TRPC6: variants seen among roughly 807,000 people sequenced by gnomAD.
The protein encoded by TRPC6 is short transient receptor potential channel 6.
TRPC6 carries 55 observed loss-of-function variants against 90.7 expected under a neutral mutation model. The observed-to-expected ratio is 0.61, with a 90% CI of 0.49 to 0.76. TRPC6 has a LOEUF of 0.76. Among genes scored for constraint, TRPC6 ranks in the 30% least tolerant of loss-of-function variants. The pLI is 0.00. For missense variants in TRPC6, 989 were observed against 1,122.7 expected (o/e 0.88, Z 1.70); for synonymous variants, 393 against 393.0 (o/e 1.00, Z 0.00).
intron 4 of TRPC6, among the ~76,000 whole-genome samples, chr11:101,485,589 T>A (rs796283736): frequency 4.4e-4 from 67 of 151,430 alleles, no homozygotes; most frequent in Middle Eastern, 3.4e-3. Context: ...TTTTTTTTTT[T>A]AATTCTCAAT....
intron 10 of TRPC6, among the ~76,000 whole-genome samples, chr11:101,461,087 A>C (rs757949435): frequency 5.3e-5 from 8 of 152,200 alleles, no homozygotes; most frequent in Non-Finnish European, 1.0e-4. Context: ...CACATGTTAA[A>C]AATGATTGGG....
intron 1 of TRPC6, among the ~76,000 whole-genome samples, chr11:101,573,730 T>G (rs967267312): frequency 7.9e-5 from 12 of 152,164 alleles, no homozygotes; most frequent in African/African-American, 2.7e-4. Flanking sequence ...ACATACAACA[T>G]GTCTTATAAT....
chr11:101,492,396 C>T (rs1015527728), intron 2 of TRPC6, among the ~76,000 whole-genome samples: 1 of 152,038 alleles, frequency 6.6e-6, no homozygotes, highest in African/African-American at 2.4e-5. Flanking sequence ...CCAGCCTGAG[C>T]AACATGGCAA....
At chr11:101,522,216 G>A (rs2136780151) in intron 1 of TRPC6, among the ~76,000 whole-genome samples, 1 of 152,278 alleles carries the variant, frequency 6.6e-6, no homozygotes, top group East Asian at 1.9e-4. Context: ...GGTAGGAGGT[G>A]ATCAAATATG....
At position 101,583,110 on chromosome 11, in the gene TRPC6, G is replaced by A. The variant is rs1417044880; in HGVS notation, c.170+224C>T. On this transcript the variant is annotated intron_variant, in intron 1 of 12. Coordinates refer to ENST00000344327, the MANE Select transcript of TRPC6 (RefSeq NM_004621.6). ...CTCTCGTGGGCAAACATATCCATGC[G>A]TACCTACGAGGAGCAAACCTAGACA... 3 of 940,326 alleles carry A rather than the reference G, an allele frequency of 3.2e-6. No individual in the cohort carries two copies. In the African/African-American group the frequency reaches 5.3e-5, roughly 17 times the overall value. The allele number at this position is 940,326 out of a possible 1,614,324, so 58.2% of individuals were successfully genotyped here.
chr11:101,498,708 A>G (rs550041735), intron 2 of TRPC6, among the ~76,000 whole-genome samples: 14 of 152,338 alleles, frequency 9.2e-5, no homozygotes, highest in Non-Finnish European at 1.8e-4. Flanking sequence ...ATCGTCTTCA[A>G]ACAGAGGTAC....
chr11:101,574,128 T>C (rs373571426), intron 1 of TRPC6, among the ~76,000 whole-genome samples: 1 of 151,078 alleles, frequency 6.6e-6, no homozygotes, highest in South Asian at 2.1e-4. Context: ...ATTCTTTAGA[T>C]TGTTTTAAAG....
intron 1 of TRPC6, among the ~76,000 whole-genome samples, chr11:101,527,872 G>A (rs1410106906): frequency 7.2e-5 from 11 of 152,042 alleles, no homozygotes; most frequent in Non-Finnish European, 1.6e-4. Flanking sequence ...AGGAGTTAGA[G>A]ACCAGCCTGG....
intron 10 of TRPC6, among the ~76,000 whole-genome samples, chr11:101,461,029 G>C (rs1249651773): frequency 1.3e-5 from 2 of 151,962 alleles, no homozygotes; most frequent in Admixed American, 6.6e-5. Flanking sequence ...AAAATACATA[G>C]AGTGAAGTTA....
chr11:101,468,386 T>A (rs1333789289), intron 10 of TRPC6, among the ~76,000 whole-genome samples: 1 of 152,196 alleles, frequency 6.6e-6, no homozygotes, highest in African/African-American at 2.4e-5. Context: ...GGATATCAGA[T>A]AGGCCTTAAG....
At chr11:101,501,768 C>T (rs1213121881) in intron 2 of TRPC6, among the ~76,000 whole-genome samples, 1 of 152,092 alleles carries the variant, frequency 6.6e-6, no homozygotes, top group Non-Finnish European at 1.5e-5. Context: ...CCAGTAACTG[C>T]CCTTTCTCCT....
chr11:101,499,832 C>T (rs1860060379), intron 2 of TRPC6, among the ~76,000 whole-genome samples: 1 of 99,458 alleles, frequency 1.0e-5, no homozygotes, highest in South Asian at 3.0e-4. Flanking sequence ...TATATATATA[C>T]ACAGTATAAA....
At chr11:101,510,387 A>G (rs1860369220) in intron 1 of TRPC6, among the ~76,000 whole-genome samples, 1 of 152,208 alleles carries the variant, frequency 6.6e-6, no homozygotes, top group African/African-American at 2.4e-5. Context: ...AAAAAGAGGA[A>G]CAACTCAGCC....
At chr11:101,457,359 T>C (rs1565442984) in intron 10 of TRPC6, among the ~76,000 whole-genome samples, 2 of 152,230 alleles carry the variant, frequency 1.3e-5, no homozygotes, top group Non-Finnish European at 2.9e-5. Context: ...ATTAGTTTGA[T>C]ATTAACATTT....
At chr11:101,528,729 G>C (rs1197656666) in intron 1 of TRPC6, among the ~76,000 whole-genome samples, 1 of 152,084 alleles carries the variant, frequency 6.6e-6, no homozygotes, top group Non-Finnish European at 1.5e-5. Flanking sequence ...AACATGCTTA[G>C]CAGTATGAGG....
chr11:101,571,382 A>T (rs1861960495), intron 1 of TRPC6, among the ~76,000 whole-genome samples: 1 of 152,234 alleles, frequency 6.6e-6, no homozygotes, highest in Non-Finnish European at 1.5e-5. Flanking sequence ...ACACAAGCAA[A>T]AGGAAAAACA....
At chr11:101,580,265 T>C (rs1473960821) in intron 1 of TRPC6, among the ~76,000 whole-genome samples, 1 of 152,308 alleles carries the variant, frequency 6.6e-6, no homozygotes, top group East Asian at 1.9e-4. Context: ...AGTGATGAAC[T>C]GTAAACATAC....
intron 1 of TRPC6, among the ~76,000 whole-genome samples, chr11:101,556,186 A>G (rs1861557112): frequency 1.3e-5 from 2 of 152,222 alleles, no homozygotes; most frequent in African/African-American, 4.8e-5. Flanking sequence ...CTAAGCCCAT[A>G]GTTAGCAGAA....
chr11:101,542,212 G>A (rs66638471), intron 1 of TRPC6, among the ~76,000 whole-genome samples: 15,230 of 152,224 alleles, frequency 0.1, 878 homozygotes, highest in Middle Eastern at 0.14. Flanking sequence ...AAACAGAAGT[G>A]CAAGGTCTGT....
Sources: allele counts gnomAD v4.1 joint callset (sites outside exome capture counted in the v4.1 genomes callset), GRCh38; gene constraint gnomAD v4.1.1; transcripts MANE v1.5; gene names NCBI Gene and HGNC (gene_info 2026-07-23, HGNC 2026-07-21).